SMG6: variants seen among roughly 807,000 people sequenced by gnomAD.
SMG6 encodes the protein telomerase-binding protein EST1A.
A neutral mutation model predicts 142.2 loss-of-function variants in SMG6; 66 were observed. The observed-to-expected ratio is 0.46, with a 90% confidence interval of 0.38 to 0.57. The LOEUF (loss-of-function observed/expected upper bound fraction) is 0.57. Ranked by LOEUF, SMG6 falls within the 20% of genes least tolerant of loss-of-function variation. The probability of loss-of-function intolerance (pLI) is 0.00; values close to 1 mark genes in which losing one functional copy is unlikely to be tolerated. For synonymous variants in SMG6, 779 were observed against 702.4 expected, an observed-to-expected ratio of 1.11 and a Z score of -1.72; for missense variants, 1,793 against 1,832.0, an observed-to-expected ratio of 0.98 and a Z score of 0.39.
intron 10 of SMG6, among the ~76,000 whole-genome samples, chr17:2,222,389 G>A (rs1169728562): frequency 6.6e-6 from 1 of 151,884 alleles, no homozygotes; most frequent in Non-Finnish European, 1.5e-5. Flanking sequence ...GCTGGATGCA[G>A]AACATTCCAA....
intron 13 of SMG6, among the ~76,000 whole-genome samples, chr17:2,091,729 GGT>G: frequency 6.6e-6 from 1 of 150,780 alleles, no homozygotes; most frequent in African/African-American, 2.4e-5. Flanking sequence ...GGAGTGCAGT[GGT>G]GCGATCTCGG....
At chr17:2,165,786 T>C (rs894379040) in intron 13 of SMG6, among the ~76,000 whole-genome samples, 2 of 152,138 alleles carry the variant, frequency 1.3e-5, no homozygotes, top group Non-Finnish European at 1.5e-5. Flanking sequence ...TTGCCTGTAG[T>C]CCCAGCTACT....
chr17:2,161,647 C>G (rs527433196), intron 13 of SMG6, among the ~76,000 whole-genome samples: 2 of 152,054 alleles, frequency 1.3e-5, no homozygotes, highest in African/African-American at 4.8e-5. Flanking sequence ...GAACACACCT[C>G]CTAAATGATG....
At chr17:2,290,844 C>G (rs1310391623) in intron 6 of SMG6, among the ~76,000 whole-genome samples, 1 of 152,122 alleles carries the variant, frequency 6.6e-6, no homozygotes, top group East Asian at 1.9e-4. Flanking sequence ...AGATGGCAAG[C>G]ATATGAAAAG....
intron 10 of SMG6, chr17:2,214,243 C>G (rs546813275): frequency 2.0e-5 from 3 of 152,510 alleles, no homozygotes; most frequent in African/African-American, 7.2e-5. Flanking sequence ...CCCAGCTCAG[C>G]AGAAAAAGAG....
chr17:2,162,739 T>G (rs142752353), intron 13 of SMG6, among the ~76,000 whole-genome samples: 1 of 152,190 alleles, frequency 6.6e-6, no homozygotes, highest in Non-Finnish European at 1.5e-5. Context: ...TCCTTCTAGG[T>G]TGGAACATAT....
intron 13 of SMG6, among the ~76,000 whole-genome samples, chr17:2,106,199 C>G (rs1241758320): frequency 6.6e-6 from 1 of 152,166 alleles, no homozygotes; most frequent in Non-Finnish European, 1.5e-5. Flanking sequence ...AGAATTTTCC[C>G]TTTCCACCCC....
At chr17:2,176,668 T>C (rs934886213) in intron 12 of SMG6, among the ~76,000 whole-genome samples, 2 of 152,096 alleles carry the variant, frequency 1.3e-5, no homozygotes, top group African/African-American at 2.4e-5. Context: ...TCAGCAGCTG[T>C]GATGTGATTA....
rs1222383176 is a variant in SMG6 at position 2,085,276 on chromosome 17, C to T, written c.3534+449G>A. Among the ~76,000 whole-genome samples, 4 of 123,208 alleles carry T rather than the reference C, an allele frequency of 3.2e-5. No individual in the cohort carries two copies. Among genetic ancestry groups the T allele is most frequent in the Non-Finnish European group, 6.8e-5 (4 of 59,228 alleles). 80.8% of individuals were successfully genotyped at this position (123,208 alleles called of 152,430 possible). On this transcript the variant is annotated intron_variant, in intron 14 of 18. Coordinates refer to ENST00000263073, the MANE Select transcript of SMG6 (RefSeq NM_017575.5). The surrounding 1 kb of genome is among the most constrained non-coding windows in gnomAD (Gnocchi z 4.1). Reference sequence around the variant, plus strand: ...GGATGTGCAGGAGGGAGGGAGGGAACAAGGGAGGGAGGGTAGGGCAGGGGA... The same window carrying T: ...GGATGTGCAGGAGGGAGGGAGGGAATAAGGGAGGGAGGGTAGGGCAGGGGA...
At chr17:2,162,340 G>A (rs541543060) in intron 13 of SMG6, among the ~76,000 whole-genome samples, 6 of 151,574 alleles carry the variant, frequency 4.0e-5, no homozygotes, top group East Asian at 1.9e-4. Flanking sequence ...GTGAAACCCC[G>A]TCTCTACTAA....
At chr17:2,302,661 G>A (rs1423514072) in intron 1 of SMG6, among the ~76,000 whole-genome samples, 2 of 152,196 alleles carry the variant, frequency 1.3e-5, no homozygotes, top group Non-Finnish European at 2.9e-5. Flanking sequence ...CTGTTTGTAG[G>A]TGTAAGGAAA....
intron 10 of SMG6, chr17:2,215,948 C>T (rs896324068): frequency 1.4e-4 from 21 of 152,262 alleles, no homozygotes; most frequent in African/African-American, 5.1e-4. Context: ...AGCCATGTTT[C>T]AATGCAGACA....
intron 13 of SMG6, among the ~76,000 whole-genome samples, chr17:2,102,586 G>A (rs1189481581): frequency 7.2e-6 from 1 of 138,570 alleles, no homozygotes; most frequent in Non-Finnish European, 1.5e-5. Flanking sequence ...TGCCCAGGCT[G>A]GTTTGAGCTC....
At position 2,299,934 on chromosome 17, in the gene SMG6, C is replaced by T. The variant is rs1334891266; in HGVS notation, c.819G>A (p.Leu273=). Residue 273 remains leucine (L), a synonymous_variant, in exon 2 of 19, where the codon CTG becomes CTA. Transcript: ENST00000263073. The surrounding 1 kb of genome is among the most constrained non-coding windows in gnomAD (Gnocchi z 4.3). ...GSNNSAEGAG[L]TDNGCRRRRQ... ...GGCGGCGGCGACATCCATTATCCGTCAGGCCAGCTCCCTCAGCGCTGTTGT... is the reference window on the plus strand; with the variant it reads ...GGCGGCGGCGACATCCATTATCCGTTAGGCCAGCTCCCTCAGCGCTGTTGT... 1 of 1,614,024 alleles carries T rather than the reference C, an allele frequency of 6.2e-7. No individual in the cohort carries two copies. The highest frequency in any genetic ancestry group is 8.5e-7 in the Non-Finnish European group (1 of 1,180,032).
intron 12 of SMG6, among the ~76,000 whole-genome samples, chr17:2,183,537 T>C (rs1159169065): frequency 2.6e-5 from 4 of 152,320 alleles, no homozygotes; most frequent in Non-Finnish European, 4.4e-5. Flanking sequence ...AACTCTGCTC[T>C]GTAATGTGAA....
chr17:2,282,520 A>T (rs988832268), intron 8 of SMG6, 127 bp downstream of exon 8: 34 of 827,702 alleles, frequency 4.1e-5, no homozygotes, highest in Non-Finnish European at 5.4e-5. Context: ...AAAGACCATC[A>T]GGGAGCCTCA....
chr17:2,082,148 G>C (rs774436087), intron 14 of SMG6, 192 bp from the exon 15 acceptor site: 1 of 596,374 alleles, frequency 1.7e-6, no homozygotes, highest in Non-Finnish European at 3.0e-6. Context: ...CTCTTCCCCC[G>C]GAGCTGCTCT....
At chr17:2,286,619 C>T (rs1011620041) in intron 6 of SMG6, among the ~76,000 whole-genome samples, 2 of 151,958 alleles carry the variant, frequency 1.3e-5, no homozygotes, top group African/African-American at 4.8e-5. Flanking sequence ...TAATCAAAGG[C>T]CTAAATATAA....
chr17:2,117,731 T>C (rs955722774), intron 13 of SMG6: 1 of 152,160 alleles, frequency 6.6e-6, no homozygotes, highest in African/African-American at 2.4e-5. Flanking sequence ...CTTACTCCCA[T>C]AAGGATTCTA....
Sources: gnomAD v4.1 joint callset for allele counts (sites outside exome capture counted in the v4.1 genomes callset) on GRCh38, gnomAD v4.1.1 for gene constraint, Gnocchi (gnomAD v3.1) non-coding constraint, MANE v1.5 for transcripts, NCBI Gene and HGNC (gene_info 2026-07-23, HGNC 2026-07-21) for gene names.